B3GALT1: variants seen among roughly 807,000 people sequenced by gnomAD.
The protein encoded by B3GALT1 is UDP-Gal:betaGlcNAc beta 1,3-galactosyltransferase, polypeptide 1.
A neutral mutation model predicts 23.2 loss-of-function variants in B3GALT1; 10 were observed. The observed-to-expected ratio is 0.43, with a 90% CI of 0.27 to 0.73. The LOEUF is 0.73. Ranked by LOEUF, B3GALT1 falls within the 30% of genes least tolerant of loss-of-function variation. The pLI is 0.21. For missense variants in B3GALT1, 299 were observed against 405.4 expected (o/e 0.74, Z 2.25); for synonymous variants, 156 against 141.5 (o/e 1.10, Z -0.73).
intron 1 of B3GALT1, among the ~76,000 whole-genome samples, chr2:167,321,262 T>C (rs946281205): frequency 2.0e-5 from 3 of 152,098 alleles, no homozygotes; most frequent in African/African-American, 7.2e-5. Context: ...GTAGTACTTA[T>C]AACATTTTGA....
chr2:167,358,329 A>G (rs1441185074), intron 1 of B3GALT1, among the ~76,000 whole-genome samples: 1 of 152,210 alleles, frequency 6.6e-6, no homozygotes, highest in African/African-American at 2.4e-5. Flanking sequence ...AGTGACGGAC[A>G]TTGAGTTTAG....
Position 167,625,681 on chromosome 2 carries a change from G to A in B3GALT1, c.-409-21228G>A, listed in dbSNP as rs532323258. Among the ~76,000 whole-genome samples, 6 of 151,564 alleles carry A rather than the reference G, an allele frequency of 4.0e-5. No homozygotes were observed. In the South Asian group the frequency reaches 6.2e-4, roughly 16 times the overall value. The stretch of plus-strand genomic sequence containing the variant: ...TACAATTAACCGTATGGCATGATTC[G>A]TTGCAAACTATACTTTCTCTGCAAT... On this transcript the variant is annotated intron_variant, in intron 2 of 4. Coordinates refer to ENST00000392690, the MANE Select transcript of B3GALT1 (RefSeq NM_020981.4).
intron 3 of B3GALT1, among the ~76,000 whole-genome samples, chr2:167,684,880 C>T (rs1686591392): frequency 6.6e-6 from 1 of 152,186 alleles, no homozygotes; most frequent in African/African-American, 2.4e-5. Context: ...ACTCCTGTCC[C>T]ATCAGTTAAT....
In B3GALT1 at chr2:167,868,828, AT is replaced by A; in HGVS notation, c.-211del. ...TTTTGCAGAGTTAAGAGGAAGATTT[AT>A]GAGTCATGGAACCCTCCATCAGATT... On this transcript the variant is annotated 5_prime_UTR_variant, in exon 5 of 5. The change abolishes an upstream ATG in the 5' untranslated region. Coordinates refer to ENST00000392690, the MANE Select transcript of B3GALT1 (RefSeq NM_020981.4). The A allele has an allele frequency of 1.9e-6, 1 of 523,090 alleles. No individual in the cohort carries two copies. Among genetic ancestry groups the A allele is most frequent in the East Asian group, 2.9e-5 (1 of 33,994 alleles). The allele number at this position is 523,090 out of a possible 1,614,324, so 32.4% of individuals were successfully genotyped here. A position where few individuals can be genotyped will look rare whatever the true frequency, so the allele number is the denominator to read the frequency against.
Position 167,528,562 on chromosome 2 carries a change from T to G in B3GALT1, c.-410+38285T>G, listed in dbSNP as rs75664708. On this transcript the variant is annotated intron_variant, in intron 2 of 4. Coordinates refer to ENST00000392690, the MANE Select transcript of B3GALT1 (RefSeq NM_020981.4). Reference sequence around the variant, plus strand: ...CAACCTAGACCAAATTCTACTTCGCTACTATGGTTGCATGACATTAGACAA... The same window carrying G: ...CAACCTAGACCAAATTCTACTTCGCGACTATGGTTGCATGACATTAGACAA... 6.6e-3 allele frequency among the ~76,000 whole-genome samples: 1,010 copies of G among 152,274 alleles called. 16 individuals are homozygous for G. Among genetic ancestry groups the G allele is most frequent in the African/African-American group, 0.023 (964 of 41,552 alleles).
chr2:167,784,636 T>C (rs998996654), intron 3 of B3GALT1, among the ~76,000 whole-genome samples: 3 of 152,092 alleles, frequency 2.0e-5, no homozygotes, highest in Non-Finnish European at 4.4e-5. Context: ...AATTAGGGGG[T>C]TATTAAGCAA....
intron 3 of B3GALT1, among the ~76,000 whole-genome samples, chr2:167,658,667 CTG>C (rs1197892175): frequency 6.6e-6 from 1 of 152,020 alleles, no homozygotes; most frequent in African/African-American, 2.4e-5. Context: ...TTAATGGAAA[CTG>C]TATGAATAGG....
intron 3 of B3GALT1, among the ~76,000 whole-genome samples, chr2:167,776,277 G>A (rs1263098789): frequency 6.6e-6 from 1 of 152,138 alleles, no homozygotes; most frequent in African/African-American, 2.4e-5. Flanking sequence ...GTTTAGTGAG[G>A]AAACTTCCAC....
At position 167,406,674 on chromosome 2, in the gene B3GALT1, C is replaced by T. The variant is rs549222762; in HGVS notation, c.-510-83503C>T. Among the ~76,000 whole-genome samples, 33 of 152,262 alleles carry T rather than the reference C, an allele frequency of 2.2e-4. No individual in the cohort carries two copies. The South Asian group carries it at 5.6e-3, about 26-fold the overall frequency. On this transcript the variant is annotated intron_variant, in intron 1 of 4. Coordinates refer to ENST00000392690, the MANE Select transcript of B3GALT1 (RefSeq NM_020981.4). ...CTGAGTGAAGGAAGAAATATCCCTGCGGACAGGCAGAGACAAAGGAGGGGG... is the reference window on the plus strand; with the variant it reads ...CTGAGTGAAGGAAGAAATATCCCTGTGGACAGGCAGAGACAAAGGAGGGGG...
intron 4 of B3GALT1, among the ~76,000 whole-genome samples, chr2:167,866,219 C>T (rs1341892283): frequency 6.6e-6 from 1 of 152,174 alleles, no homozygotes; most frequent in African/African-American, 2.4e-5. Context: ...GAGTGAGATT[C>T]ACGTTACGGC....
intron 2 of B3GALT1, among the ~76,000 whole-genome samples, chr2:167,542,886 T>G (rs1279848378): frequency 3.9e-5 from 6 of 152,064 alleles, no homozygotes; most frequent in African/African-American, 1.2e-4. Flanking sequence ...ATTGTTTATT[T>G]ATTTGTACCC....
At chr2:167,685,744 A>G (rs1686608483) in intron 3 of B3GALT1, among the ~76,000 whole-genome samples, 1 of 152,200 alleles carries the variant, frequency 6.6e-6, no homozygotes, top group Admixed American at 6.5e-5. Flanking sequence ...GTGGAATACT[A>G]TCAGAGAATT....
chr2:167,464,086 AG>A (rs1366970887), intron 1 of B3GALT1, among the ~76,000 whole-genome samples: 1 of 152,180 alleles, frequency 6.6e-6, no homozygotes, highest in African/African-American at 2.4e-5. Flanking sequence ...CCAACTGAAA[AG>A]GACTTTCTGA....
At chr2:167,423,433 C>T (rs1178592885) in intron 1 of B3GALT1, among the ~76,000 whole-genome samples, 1 of 152,168 alleles carries the variant, frequency 6.6e-6, no homozygotes, top group Non-Finnish European at 1.5e-5. Flanking sequence ...AATCTGTGGA[C>T]TTTCTACTCG....
At chr2:167,768,823 CTG>C (rs1688020270) in intron 3 of B3GALT1, among the ~76,000 whole-genome samples, 1 of 152,174 alleles carries the variant, frequency 6.6e-6, no homozygotes, top group South Asian at 2.1e-4. Context: ...CAAGGTCTGA[CTG>C]TGCTTGATAG....
chr2:167,613,952 A>G (rs575378888), intron 2 of B3GALT1, among the ~76,000 whole-genome samples: 1 of 151,976 alleles, frequency 6.6e-6, no homozygotes, highest in Non-Finnish European at 1.5e-5. Context: ...TCAAGAAACA[A>G]GAAAATATTA....
At chr2:167,514,356 G>A (rs932817782) in intron 2 of B3GALT1, among the ~76,000 whole-genome samples, 1 of 152,284 alleles carries the variant, frequency 6.6e-6, no homozygotes, top group East Asian at 1.9e-4. Context: ...CAAAATCATT[G>A]CAGTTTTCTA....
At chr2:167,767,316 A>G (rs940271051) in intron 3 of B3GALT1, among the ~76,000 whole-genome samples, 49 of 152,136 alleles carry the variant, frequency 3.2e-4, no homozygotes, top group Non-Finnish European at 1.3e-4. Context: ...CCTTTCTTAA[A>G]ATGAGTTATC....
intron 3 of B3GALT1, among the ~76,000 whole-genome samples, chr2:167,659,315 T>C (rs144508361): frequency 1.3e-5 from 2 of 152,190 alleles, no homozygotes; most frequent in Non-Finnish European, 2.9e-5. Flanking sequence ...TATTCTGTTA[T>C]GTTCCTTTGG....
Sources: allele counts gnomAD v4.1 joint callset (sites outside exome capture counted in the v4.1 genomes callset), GRCh38; gene constraint gnomAD v4.1.1; transcripts MANE v1.5; gene names NCBI Gene and HGNC (gene_info 2026-07-23, HGNC 2026-07-21).